Variants in REPS2 observed in about 807,000 individuals in gnomAD.
REPS2 encodes the protein ralBP1-associated Eps domain-containing protein 2.
Under a neutral mutation model 53.6 loss-of-function variants are expected in REPS2, and 23 were observed. That is an observed-to-expected ratio of 0.43 (90% CI 0.31 to 0.61). The LOEUF is 0.61. Ranked by LOEUF, REPS2 falls within the 20% of genes least tolerant of loss-of-function variation. REPS2 has a pLI of 0.11. For missense variants in REPS2, 446 were observed against 534.9 expected (o/e 0.83, Z 1.64); for synonymous variants, 238 against 218.6 (o/e 1.09, Z -0.78).
the REPS2 span, among the ~76,000 whole-genome samples, chrX:17,159,646 GC>G: frequency 9.0e-6 from 1 of 111,247 alleles, no homozygotes; most frequent in Non-Finnish European, 1.9e-5. Flanking sequence ...GTGCCCCCCA[GC>G]CCCCCAATGC....
At chrX:17,061,778 G>A (rs770247283) in intron 8 of REPS2, among the ~76,000 whole-genome samples, 1 of 112,360 alleles carries the variant, frequency 8.9e-6, no homozygotes, top group Non-Finnish European at 1.9e-5. Flanking sequence ...TTACCAAGTA[G>A]CCTGATCTTT....
intron 1 of REPS2, among the ~76,000 whole-genome samples, chrX:16,961,023 A>G (rs145707182): frequency 1.8e-5 from 2 of 112,258 alleles, no homozygotes; most frequent in East Asian, 5.5e-4. Flanking sequence ...TGTCCACACT[A>G]CCCAAAACAA....
chrX:17,050,209 TTGA>T (rs2061981377), intron 6 of REPS2, among the ~76,000 whole-genome samples: 1 of 77,987 alleles, frequency 1.3e-5, no homozygotes, highest in Non-Finnish European at 2.3e-5. Context: ...TTTTTTTTTT[TTGA>T]CAGGGTCTTA....
At chrX:17,089,250 T>A (rs2062583615) in intron 13 of REPS2, among the ~76,000 whole-genome samples, 1 of 111,410 alleles carries the variant, frequency 9.0e-6, no homozygotes, top group African/African-American at 3.3e-5. Context: ...GCTCTAAATA[T>A]AGCAAGAATA....
Position 16,993,057 on chromosome X carries a change from G to A in REPS2, c.274-13164G>A, listed in dbSNP as rs181334104. ...TCCATGCTCTTTAGTACGTCCTGCA[G>A]GATAAGAGATCCAAGGGGCCTGACC... On this transcript the variant is annotated intron_variant, in intron 1 of 17. Coordinates refer to ENST00000357277, the MANE Select transcript of REPS2 (RefSeq NM_004726.3). Among the ~76,000 whole-genome samples, 435 of 112,180 alleles carry A rather than the reference G, an allele frequency of 3.9e-3. 1 individual carries two copies. The highest frequency in any genetic ancestry group is 0.013 in the African/African-American group (394 of 30,906).
intron 1 of REPS2, among the ~76,000 whole-genome samples, chrX:16,982,494 A>C (rs1284450474): frequency 8.9e-6 from 1 of 111,980 alleles, no homozygotes; most frequent in Non-Finnish European, 1.9e-5. Context: ...TTTTTTGTGC[A>C]TGTATTTGGT....
the REPS2 span, among the ~76,000 whole-genome samples, chrX:17,165,246 AC>A: frequency 8.9e-6 from 1 of 112,033 alleles, no homozygotes; most frequent in Admixed American, 9.5e-5. Flanking sequence ...TTTGGCAATG[AC>A]TTTTGAAAAC....
chrX:17,187,377 A>G, the REPS2 span, among the ~76,000 whole-genome samples: 66 of 112,012 alleles, frequency 5.9e-4, no homozygotes, highest in South Asian at 1.5e-3. Context: ...AGGCTGCCGA[A>G]TGGGCCCTCC....
the REPS2 span, among the ~76,000 whole-genome samples, chrX:17,186,953 T>TA: frequency 1.2e-3 from 130 of 105,298 alleles, no homozygotes; most frequent in Middle Eastern, 9.7e-3. Context: ...GGGTGAGGGA[T>TA]AAAAAAAAAA....
intron 10 of REPS2, 23 bp from the exon 11 acceptor site, chrX:17,069,917 C>T: frequency 9.8e-7 from 1 of 1,021,467 alleles, no homozygotes; most frequent in Non-Finnish European, 1.3e-6. Flanking sequence ...TTTCTTTTTG[C>T]TTAAAAAACA....
At chrX:17,034,421 C>T (rs755000292) in intron 5 of REPS2, among the ~76,000 whole-genome samples, 36 of 111,112 alleles carry the variant, frequency 3.2e-4, no homozygotes, top group African/African-American at 1.1e-3. Context: ...CTCAGCCTCC[C>T]GAGTAGCTGG....
chrX:17,128,984 G>A (rs1014426711), intron 14 of REPS2, among the ~76,000 whole-genome samples: 1 of 112,387 alleles, frequency 8.9e-6, no homozygotes, highest in Admixed American at 9.4e-5. Flanking sequence ...ACATGGAACC[G>A]TGAGGGCAGA....
At chrX:17,012,830 A>G (rs1343753897) in intron 2 of REPS2, among the ~76,000 whole-genome samples, 1 of 112,137 alleles carries the variant, frequency 8.9e-6, no homozygotes, top group Non-Finnish European at 1.9e-5. Flanking sequence ...AGTTTGGGGT[A>G]AAATTCTTGA....
chrX:17,108,984 A>T (rs1230561845), intron 14 of REPS2, among the ~76,000 whole-genome samples: 1 of 109,775 alleles, frequency 9.1e-6, no homozygotes, highest in Non-Finnish European at 1.9e-5. Flanking sequence ...AAAAAAAAAA[A>T]ACCCAAATGC....
intron 1 of REPS2, among the ~76,000 whole-genome samples, chrX:16,974,648 A>G (rs927940443): frequency 4.6e-5 from 5 of 108,814 alleles, no homozygotes; most frequent in South Asian, 7.8e-4. Context: ...CTCCATTTCA[A>G]AAAAAAAAGG....
chrX:17,026,933 A>G (rs1293414492), intron 4 of REPS2, among the ~76,000 whole-genome samples: 20 of 110,951 alleles, frequency 1.8e-4, no homozygotes, highest in African/African-American at 6.6e-4. Flanking sequence ...GATTACAGAC[A>G]TGTGCCACCA....
At chrX:17,070,062 A>G (rs1275353342) in intron 11 of REPS2, 69 bp downstream of exon 11, 5 of 494,868 alleles carry the variant, frequency 1.0e-5, no homozygotes, top group Non-Finnish European at 1.3e-5. Flanking sequence ...CAAGTCAGTG[A>G]GTAGAAGATT....
downstream of REPS2, among the ~76,000 whole-genome samples, chrX:17,153,487 C>T (rs1309112218): frequency 9.0e-6 from 1 of 111,623 alleles, no homozygotes; most frequent in Non-Finnish European, 1.9e-5. Flanking sequence ...GGCTGACTCA[C>T]AGTGCATTTT....
chrX:17,133,263 G>A (rs1366435611), intron 14 of REPS2, among the ~76,000 whole-genome samples: 3 of 111,222 alleles, frequency 2.7e-5, no homozygotes, highest in South Asian at 3.8e-4. Context: ...CTCCTTTAGC[G>A]TCCCCTTCAG....
Sources: gnomAD v4.1 joint callset for allele counts (sites outside exome capture counted in the v4.1 genomes callset) on GRCh38, gnomAD v4.1.1 for gene constraint, MANE v1.5 for transcripts, NCBI Gene and HGNC (gene_info 2026-07-23, HGNC 2026-07-21) for gene names.